FUT8: variants seen among roughly 807,000 people sequenced by gnomAD.
FUT8 encodes alpha-(1,6)-fucosyltransferase.
Under a neutral mutation model 71.3 loss-of-function variants are expected in FUT8, and 29 were observed. The observed-to-expected ratio is 0.41, with a 90% CI of 0.30 to 0.55. The LOEUF (loss-of-function observed/expected upper bound fraction) is 0.55. Ranked by LOEUF, FUT8 falls within the 20% of genes least tolerant of loss-of-function variation. FUT8 has a pLI of 0.34. For missense variants in FUT8, 544 were observed against 702.1 expected (o/e 0.77, Z 2.55); for synonymous variants, 254 against 239.3 (o/e 1.06, Z -0.57).
intron 2 of FUT8, among the ~76,000 whole-genome samples, chr14:65,545,724 T>A (rs1011802353): frequency 6.6e-6 from 1 of 151,862 alleles, no homozygotes; most frequent in African/African-American, 2.4e-5. Flanking sequence ...ATTTGAATAA[T>A]TTATGATGAT....
chr14:65,622,054 C>G (rs1270529501), intron 5 of FUT8, among the ~76,000 whole-genome samples: 1 of 152,166 alleles, frequency 6.6e-6, no homozygotes, highest in Non-Finnish European at 1.5e-5. Flanking sequence ...AAACTTCTGA[C>G]TTCAGGTGAT....
At chr14:65,615,293 G>T (rs764440517) in intron 3 of FUT8, among the ~76,000 whole-genome samples, 1 of 152,076 alleles carries the variant, frequency 6.6e-6, no homozygotes, top group Non-Finnish European at 1.5e-5. Flanking sequence ...TTTTTGTAAT[G>T]ATGGGGGATT....
At chr14:65,654,569 C>T (rs760481548) in intron 6 of FUT8, among the ~76,000 whole-genome samples, 1 of 144,668 alleles carries the variant, frequency 6.9e-6, no homozygotes, top group African/African-American at 2.6e-5. Context: ...CCAGCCTGGG[C>T]GACAGAGCAA....
At chr14:65,614,288 T>C (rs920483787) in intron 3 of FUT8, among the ~76,000 whole-genome samples, 8 of 152,166 alleles carry the variant, frequency 5.3e-5, no homozygotes, top group African/African-American at 1.9e-4. Context: ...CTTCATAAAA[T>C]TTATTGCCAG....
rs1379082453 is a variant in FUT8 at position 65,483,098 on chromosome 14, T to A, written c.-228+27380T>A. On this transcript the variant is annotated intron_variant, in intron 2 of 10. Coordinates refer to ENST00000673929, the MANE Select transcript of FUT8 (RefSeq NM_001371533.1). The surrounding 1 kb of genome is among the most constrained non-coding windows in gnomAD (Gnocchi z 4.4). ...GTATCTTTGGTGGGACACTTCTGTG[T>A]GAAGAGATTTTACTAGCACCCTAAA... 1.3e-5 allele frequency among the ~76,000 whole-genome samples: 2 copies of A among 152,204 alleles called. No homozygotes were observed. Among genetic ancestry groups the A allele is most frequent in the Non-Finnish European group, 2.9e-5 (2 of 68,024 alleles).
chr14:65,367,859 C>T, the FUT8 span, among the ~76,000 whole-genome samples: 2 of 152,106 alleles, frequency 1.3e-5, no homozygotes, highest in African/African-American at 2.4e-5. Context: ...TCTCTTTACT[C>T]CCACCTCTCC....
the FUT8 span, among the ~76,000 whole-genome samples, chr14:65,402,805 T>G: frequency 6.6e-6 from 1 of 152,176 alleles, no homozygotes; most frequent in Non-Finnish European, 1.5e-5. Flanking sequence ...GCCTGGAGTA[T>G]ATTTTAAACT....
the FUT8 span, among the ~76,000 whole-genome samples, chr14:65,368,163 C>T: frequency 2.0e-5 from 3 of 150,466 alleles, no homozygotes; most frequent in Admixed American, 2.0e-4. Flanking sequence ...ATGCCATTCT[C>T]CTGCCTCAGC....
At chr14:65,484,314 G>A (rs553988644) in intron 2 of FUT8, among the ~76,000 whole-genome samples, 1 of 152,102 alleles carries the variant, frequency 6.6e-6, no homozygotes, top group African/African-American at 2.4e-5. Flanking sequence ...TCTTAGTCTT[G>A]TTTCTAATCT....
chr14:65,650,429 T>TA (rs1353372258), intron 6 of FUT8, among the ~76,000 whole-genome samples: 4 of 151,066 alleles, frequency 2.6e-5, no homozygotes, highest in Non-Finnish European at 5.9e-5. Flanking sequence ...TCAGGAAACT[T>TA]ACAATCATGG....
the FUT8 span, among the ~76,000 whole-genome samples, chr14:65,387,243 C>T: frequency 1.3e-5 from 2 of 152,156 alleles, no homozygotes; most frequent in African/African-American, 4.8e-5. Context: ...TGCATGTAAA[C>T]TTTGATAGGC....
rs561727856 is a variant in FUT8, at chr14:65,657,395, A to G, written c.598-11848A>G. On this transcript the variant is annotated intron_variant, in intron 6 of 10. Transcript: ENST00000673929. ...CCATGTTTACTGCAGCACTTTCCAC[A>G]ATAGCCAGGATTTGAAAGCAACCTA... is the stretch of plus-strand genomic sequence containing the variant. Among the ~76,000 whole-genome samples, 6 of 152,328 alleles carry G rather than the reference A, an allele frequency of 3.9e-5. No homozygotes were observed. In the South Asian group the frequency reaches 1.2e-3, roughly 32 times the overall value.
Position 65,673,777 on chromosome 14 carries a change from C to T in FUT8, c.835+4297C>T, listed in dbSNP as rs561903706. 2.9e-3 allele frequency among the ~76,000 whole-genome samples: 436 copies of T among 152,184 alleles called. 2 individuals carry two copies. Among genetic ancestry groups the T allele is most frequent in the African/African-American group, 9.9e-3 (413 of 41,516 alleles). On this transcript the variant is annotated intron_variant, in intron 7 of 10. Transcript: ENST00000673929. ...TCACTAAAACTGACAGGTTTTAATT[C>T]GAGAGTCAAAGCTGTTTTTTTGATT...
chr14:65,467,267 AT>A lies in FUT8; in HGVS notation c.-228+11553del, dbSNP rs2066058645. The stretch of plus-strand genomic sequence containing the variant: ...TATAGGCATTCTAGTTTGGTATTTT[AT>A]TTTATTTTTTTTAACAGCCCAGAGG... On this transcript the variant is annotated intron_variant, in intron 2 of 10. Transcript: ENST00000673929. This position sits in a 1 kb window ranked among gnomAD's most constrained non-coding sequence, Gnocchi z 4.1. Among the ~76,000 whole-genome samples the A allele has an allele frequency of 6.6e-6, 1 of 151,692 alleles. No individual in the cohort carries two copies. The highest frequency in any genetic ancestry group is 2.1e-4 in the South Asian group (1 of 4,810).
intron 7 of FUT8, among the ~76,000 whole-genome samples, chr14:65,677,178 G>A (rs996542831): frequency 7.3e-6 from 1 of 137,008 alleles, no homozygotes; most frequent in Non-Finnish European, 1.6e-5. Flanking sequence ...GCGCACGTAT[G>A]TGTGTGCGCA....
chr14:65,627,768 T>A lies in FUT8; in HGVS notation c.483-1724T>A, dbSNP rs191859683. Among the ~76,000 whole-genome samples, 1 of 152,212 alleles carries A rather than the reference T, an allele frequency of 6.6e-6. No homozygotes were observed. Among genetic ancestry groups the A allele is most frequent in the South Asian group, 2.1e-4 (1 of 4,832 alleles). On this transcript the variant is annotated intron_variant, in intron 5 of 10. Coordinates refer to ENST00000673929, the MANE Select transcript of FUT8 (RefSeq NM_001371533.1). The surrounding 1 kb of genome is among the most constrained non-coding windows in gnomAD (Gnocchi z 4.0). ...AACTCACACAACTCTTGAAAACTTATCAGGAAGCTGCTGATGACCAGCTTC... is the reference window on the plus strand; with the variant it reads ...AACTCACACAACTCTTGAAAACTTAACAGGAAGCTGCTGATGACCAGCTTC...
chr14:65,435,451 A>AT (rs1432569240), intron 1 of FUT8, among the ~76,000 whole-genome samples: 2 of 152,140 alleles, frequency 1.3e-5, no homozygotes, highest in Non-Finnish European at 2.9e-5. Flanking sequence ...GTTCCTTTAC[A>AT]TTGCTGAGTA....
chr14:65,580,030 T>G (rs1886991963), intron 3 of FUT8, among the ~76,000 whole-genome samples: 1 of 150,476 alleles, frequency 6.6e-6, no homozygotes, highest in Non-Finnish European at 1.5e-5. Context: ...CCCTGCACTA[T>G]GGGAAGTGCA....
intron 7 of FUT8, among the ~76,000 whole-genome samples, chr14:65,705,255 C>T (rs1894500484): frequency 1.3e-5 from 2 of 152,146 alleles, no homozygotes; most frequent in African/African-American, 4.8e-5. Context: ...GGCTGAAAAA[C>T]AACAGGAAAG....
Sources: allele counts gnomAD v4.1 joint callset (sites outside exome capture counted in the v4.1 genomes callset), GRCh38; gene constraint gnomAD v4.1.1; non-coding constraint Gnocchi (gnomAD v3.1); transcripts MANE v1.5; gene names NCBI Gene and HGNC (gene_info 2026-07-23, HGNC 2026-07-21).